Variants in GABPA observed in about 807,000 individuals in gnomAD.
The protein encoded by GABPA is GA binding protein transcription factor subunit alpha.
In GABPA, 4 loss-of-function variants were observed where a neutral mutation model predicts 59.4. The observed-to-expected ratio is 0.07, with a 90% confidence interval of 0.03 to 0.15. The LOEUF is 0.15. GABPA is among the 10% of genes least tolerant of loss of function. The pLI is 1.00. For missense variants in GABPA, 251 were observed against 543.8 expected, an observed-to-expected ratio of 0.46 and a Z score of 5.36; for synonymous variants, 164 against 183.1, an observed-to-expected ratio of 0.90 and a Z score of 0.84.
At chr21:25,753,275 G>C (rs751034203) in intron 5 of GABPA, among the ~76,000 whole-genome samples, 1 of 152,088 alleles carries the variant, frequency 6.6e-6, no homozygotes, top group Non-Finnish European at 1.5e-5. Context: ...TCAGCTGGAG[G>C]TTAGCCAGAA....
intron 2 of GABPA, among the ~76,000 whole-genome samples, chr21:25,742,573 T>C (rs2035248659): frequency 6.6e-6 from 1 of 152,118 alleles, no homozygotes; most frequent in Admixed American, 6.5e-5. Flanking sequence ...GAATTTCATG[T>C]ATAGATATTT....
At chr21:25,746,988 A>G (rs964572977) in intron 3 of GABPA, among the ~76,000 whole-genome samples, 2 of 152,224 alleles carry the variant, frequency 1.3e-5, no homozygotes, top group Non-Finnish European at 2.9e-5. Context: ...TGAGTGAAAA[A>G]AATACTTACA....
chr21:25,751,917 TAA>T (rs35179856), intron 4 of GABPA, 70 bp from the exon 5 acceptor site: 99,674 of 1,496,864 alleles, frequency 0.067, 3,735 homozygotes, highest in Middle Eastern at 0.13. Context: ...TGGGAACATA[TAA>T]ACTAAATTAT....
At chr21:25,759,598 TG>T (rs2035718791) in intron 6 of GABPA, among the ~76,000 whole-genome samples, 1 of 152,194 alleles carries the variant, frequency 6.6e-6, no homozygotes, top group South Asian at 2.1e-4. Context: ...TTCTCCCAGA[TG>T]TTTTTTTTAA....
intron 9 of GABPA, 43 bp downstream of exon 9, chr21:25,764,830 CTT>C (rs2035851531): frequency 7.2e-7 from 1 of 1,394,308 alleles, no homozygotes; most frequent in African/African-American, 1.5e-5. Context: ...AAAATAGAAA[CTT>C]TCTAAAAAAT....
At chr21:25,739,474 C>G (rs1453941550) in intron 1 of GABPA, among the ~76,000 whole-genome samples, 1 of 152,214 alleles carries the variant, frequency 6.6e-6, no homozygotes, top group Non-Finnish European at 1.5e-5. Flanking sequence ...CCTTGTCTAG[C>G]TTTCAGAAGC....
At chr21:25,756,225 A>T (rs2035633404) in intron 5 of GABPA, among the ~76,000 whole-genome samples, 1 of 152,174 alleles carries the variant, frequency 6.6e-6, no homozygotes, top group Non-Finnish European at 1.5e-5. Flanking sequence ...TGTGAAATTA[A>T]CTTTGTTTTT....
intron 9 of GABPA, 66 bp from the exon 10 acceptor site, chr21:25,768,938 T>C (rs535204639): frequency 4.4e-4 from 447 of 1,025,000 alleles, no homozygotes; most frequent in Admixed American, 7.0e-4. Context: ...TATGGAATAG[T>C]CTGTAAATTA....
rs2035000663 is a variant in GABPA at position 25,735,349 on chromosome 21, G to C, written c.-256G>C. On this transcript the variant is annotated 5_prime_UTR_variant, in exon 1 of 10. Transcript: ENST00000400075. ...CTCCGTTGCCTTGGGCGGTCGTTTT[G>C]CGCACCCTGCCGGGAGTTGTAGTCC... 1 of 227,788 alleles carries C rather than the reference G, an allele frequency of 4.4e-6. No individual in the cohort carries two copies. The highest frequency in any genetic ancestry group is 8.8e-6 in the Non-Finnish European group (1 of 113,048). The allele number at this position is 227,788 out of a possible 1,614,324, so 14.1% of individuals were successfully genotyped here.
At chr21:25,752,418 G>C (rs527357468) in intron 5 of GABPA, 184 bp downstream of exon 5, 3 of 658,340 alleles carry the variant, frequency 4.6e-6, no homozygotes, top group Non-Finnish European at 7.5e-6. Context: ...TCTGTCCTGC[G>C]TGCAGGAAAT....
intron 9 of GABPA, among the ~76,000 whole-genome samples, chr21:25,767,626 T>G (rs972254351): frequency 6.6e-6 from 1 of 152,070 alleles, no homozygotes; most frequent in East Asian, 1.9e-4. Context: ...TCCATTTTCC[T>G]TTTTTTCCCC....
At chr21:25,763,080 G>T in intron 7 of GABPA, 1 of 435,024 alleles carries the variant, frequency 2.3e-6, no homozygotes, top group Non-Finnish European at 4.5e-6. Context: ...CAGTCTAGAA[G>T]AGTCTTTTTG....
At chr21:25,768,467 A>C (rs745312607) in intron 9 of GABPA, among the ~76,000 whole-genome samples, 7 of 152,058 alleles carry the variant, frequency 4.6e-5, no homozygotes, top group Non-Finnish European at 8.8e-5. Flanking sequence ...ATTTTTATTA[A>C]CATAGCTTAT....
intron 6 of GABPA, 70 bp from the exon 7 acceptor site, chr21:25,762,242 G>T: frequency 1.3e-6 from 1 of 765,152 alleles, no homozygotes; most frequent in Admixed American, 2.4e-5. Context: ...TTATTAAGTT[G>T]AGTTTTATTG....
chr21:25,744,104 C>G (rs1262016197), intron 2 of GABPA, among the ~76,000 whole-genome samples: 1 of 146,820 alleles, frequency 6.8e-6, no homozygotes, highest in Non-Finnish European at 1.5e-5. Context: ...AAAAGGCTTA[C>G]TTAAAGTTTT....
chr21:25,751,067 CAG>C (rs896428711), intron 4 of GABPA, among the ~76,000 whole-genome samples: 22 of 152,128 alleles, frequency 1.4e-4, no homozygotes, highest in African/African-American at 4.8e-4. Context: ...CAGTAAGAAA[CAG>C]AAGCAGTTAT....
intron 5 of GABPA, among the ~76,000 whole-genome samples, chr21:25,752,561 T>A (rs1028712845): frequency 6.6e-6 from 1 of 152,180 alleles, no homozygotes; most frequent in South Asian, 2.1e-4. Context: ...TGTAGAAGTA[T>A]GCTATTGGAA....
At chr21:25,768,671 A>G (rs1244443034) in intron 9 of GABPA, among the ~76,000 whole-genome samples, 1 of 152,136 alleles carries the variant, frequency 6.6e-6, no homozygotes, top group African/African-American at 2.4e-5. Context: ...TTCTGACTCC[A>G]AAGCTCTTGT....
At chr21:25,752,291 G>A (rs2035532439) in intron 5 of GABPA, 57 bp downstream of exon 5, 3 of 1,517,390 alleles carry the variant, frequency 2.0e-6, no homozygotes, top group Admixed American at 1.8e-5. Flanking sequence ...GCTTGACATA[G>A]AAGACACTAG....
Sources: gnomAD v4.1 joint callset for allele counts (sites outside exome capture counted in the v4.1 genomes callset) on GRCh38, gnomAD v4.1.1 for gene constraint, MANE v1.5 for transcripts, NCBI Gene and HGNC (gene_info 2026-07-23, HGNC 2026-07-21) for gene names.